The following CEP120 variants were observed in gnomAD, a reference collection of about 807,000 sequenced individuals.
The protein encoded by CEP120 is centrosomal protein 120, also known as centrosomal protein of 120 kDa.
In CEP120, 113 loss-of-function variants were observed where a neutral mutation model predicts 126.5. The ratio of observed to expected loss-of-function variants is 0.89; its 90% CI spans 0.77 to 1.04. The LOEUF (loss-of-function observed/expected upper bound fraction) is 1.04. Ranked by LOEUF, CEP120 falls within the 50% of genes least tolerant of loss-of-function variation. The pLI, the probability that CEP120 is intolerant of heterozygous loss-of-function variation, is 0.00. For synonymous variants in CEP120, 400 were observed against 394.3 expected (o/e 1.01, Z -0.17); for missense variants, 1,230 against 1,155.7 (o/e 1.06, Z -0.93).
chr5:123,414,554 T>C (rs1470518838), intron 3 of CEP120, among the ~76,000 whole-genome samples: 2 of 152,184 alleles, frequency 1.3e-5, no homozygotes, highest in African/African-American at 4.8e-5. Flanking sequence ...GAGAAGATAT[T>C]ATTTTAATTG....
chr5:123,382,884 T>C lies in CEP120; in HGVS notation c.1866A>G (p.Val622=), dbSNP rs1580685242. 6.2e-7 allele frequency: 1 copy of C among 1,613,056 alleles called. No homozygotes were observed. Among genetic ancestry groups the C allele is most frequent in the East Asian group, 2.2e-5 (1 of 44,866 alleles). ...AAGACGGCTTTTGCTGTACGGCAGATACACCCTAAGAGATGAACCAAAAAG... is the reference window on the plus strand; with the variant it reads ...AAGACGGCTTTTGCTGTACGGCAGACACACCCTAAGAGATGAACCAAAAAG... ...EIFISDSSQG[V]SAVQQKPSSL... is the part of the protein sequence containing the mutation. Residue 622 remains valine, a synonymous_variant, in exon 13 of 20, where the codon GTA becomes GTG. Coordinates refer to ENST00000306467, the MANE Select transcript of CEP120 (RefSeq NM_001375405.1).
At chr5:123,392,542 G>T (rs764680775) in intron 6 of CEP120, among the ~76,000 whole-genome samples, 1 of 152,118 alleles carries the variant, frequency 6.6e-6, no homozygotes, top group Non-Finnish European at 1.5e-5. Flanking sequence ...ACAGAGTCTT[G>T]CTCTGCTGCC....
rs757905925 is a variant in CEP120, at chr5:123,382,185, G to C, written c.2029C>G (p.Leu677Val). The change falls in exon 14 of 20, where the codon CTG becomes GTG. Residue 677 changes from leucine (L) to valine (V), a missense_variant. Transcript: ENST00000306467. Reference protein sequence around the residue: ...IFENQLKQKELAHMQALAEEW... With the variant: ...IFENQLKQKEVAHMQALAEEW... The stretch of plus-strand genomic sequence containing the variant: ...TCTGCAAGAGCCTGCATATGAGCCA[G>C]TTCTTTCTGCTTCAGCTACAAAAGG... The C allele has an allele frequency of 1.2e-6, 2 of 1,604,198 alleles. No homozygotes were observed. The highest frequency in any genetic ancestry group is 1.7e-5 in the Admixed American group (1 of 59,008).
chr5:123,369,815 C>G lies in CEP120; in HGVS notation c.2481+2835G>C, dbSNP rs904538585. ...TATGTTTGACATAAACAAAAATGAT[C>G]TCATTCATTTATTTTTTTACTCTCT... On this transcript the variant is annotated intron_variant, in intron 17 of 19. Transcript: ENST00000306467. 5.3e-5 allele frequency among the ~76,000 whole-genome samples: 8 copies of G among 151,920 alleles called. No homozygotes were observed. The South Asian group carries it at 6.2e-4, about 12-fold the overall frequency.
intron 2 of CEP120, among the ~76,000 whole-genome samples, chr5:123,417,377 A>C (rs1468837008): frequency 6.6e-5 from 10 of 152,170 alleles, no homozygotes; most frequent in Non-Finnish European, 1.5e-4. Flanking sequence ...TTCCAGAAGA[A>C]AATATATTTT....
intron 4 of CEP120, among the ~76,000 whole-genome samples, chr5:123,404,612 A>C (rs1203990003): frequency 6.6e-6 from 1 of 152,238 alleles, no homozygotes; most frequent in Non-Finnish European, 1.5e-5. Context: ...GCTGAAGAAA[A>C]GTTATTGTTA....
At chr5:123,401,456 T>C in intron 4 of CEP120, 1 of 1,292,900 alleles carries the variant, frequency 7.7e-7, no homozygotes, top group Non-Finnish European at 1.1e-6. Context: ...GTTATCCCCA[T>C]GCTTCCCAGC....
intron 3 of CEP120, among the ~76,000 whole-genome samples, chr5:123,414,926 C>T (rs1474838770): frequency 7.4e-6 from 1 of 134,412 alleles, no homozygotes; most frequent in African/African-American, 2.8e-5. Context: ...GAGCCGAGAT[C>T]GTGCCACTAC....
chr5:123,350,285 C>A (rs1483354413), intron 18 of CEP120, among the ~76,000 whole-genome samples, 196 bp from the exon 19 acceptor site: 1 of 152,022 alleles, frequency 6.6e-6, no homozygotes, highest in African/African-American at 2.4e-5. Flanking sequence ...AGCAACGAAG[C>A]ACACTACAGC....
At chr5:123,351,938 C>T (rs1342879679) in intron 18 of CEP120, among the ~76,000 whole-genome samples, 1 of 152,028 alleles carries the variant, frequency 6.6e-6, no homozygotes, top group East Asian at 1.9e-4. Flanking sequence ...CTTGAGCATT[C>T]CAATGCTTTA....
At chr5:123,378,980 T>C (rs1771455293) in intron 14 of CEP120, among the ~76,000 whole-genome samples, 1 of 150,832 alleles carries the variant, frequency 6.6e-6, no homozygotes, top group African/African-American at 2.4e-5. Context: ...AGCATGAAAA[T>C]TAGGAAAGAG....
At chr5:123,378,243 G>A (rs79160984) in intron 15 of CEP120, 93 bp downstream of exon 15, 52 of 874,348 alleles carry the variant, frequency 5.9e-5, no homozygotes, top group Middle Eastern at 4.7e-4. Context: ...CTTCTCTCTC[G>A]GGACTCTTTT....
chr5:123,401,055 A>AG, intron 4 of CEP120: 3 of 1,556,848 alleles, frequency 1.9e-6, no homozygotes, highest in Non-Finnish European at 2.6e-6. Flanking sequence ...GGGGCTTGTG[A>AG]GGCCCCCACA....
In CEP120 at chr5:123,350,088, C is replaced by A. The variant is rs1769105436; in HGVS notation, c.2582G>T (p.Arg861Met). 6.2e-7 allele frequency: 1 copy of A among 1,604,998 alleles called. No individual in the cohort carries two copies. The highest frequency in any genetic ancestry group is 1.1e-5 in the South Asian group (1 of 88,886). ...ACGAGCCATTTGACTTTCTTGCTCCCTCTTGAAAGAAACAAAGAAACAAGT... is the reference window on the plus strand; with the variant it reads ...ACGAGCCATTTGACTTTCTTGCTCCATCTTGAAAGAAACAAAGAAACAAGT... ...ALKELARLKQ[R>M]EQESQMARLK... Residue 861 changes from arginine to methionine, a missense_variant and splice_region_variant, in exon 19 of 20, where the codon AGG becomes ATG. Transcript: ENST00000306467.
At chr5:123,392,447 C>T (rs1178537797) in intron 6 of CEP120, among the ~76,000 whole-genome samples, 1 of 152,190 alleles carries the variant, frequency 6.6e-6, no homozygotes, top group Non-Finnish European at 1.5e-5. Context: ...CAACACCACC[C>T]TATTTCAGTT....
chr5:123,385,979 T>C (rs988749048), intron 10 of CEP120, among the ~76,000 whole-genome samples: 5 of 152,184 alleles, frequency 3.3e-5, no homozygotes, highest in African/African-American at 1.2e-4. Flanking sequence ...AATGGTTAGA[T>C]TTAAGTTACC....
At chr5:123,372,612 C>G in intron 17 of CEP120, 38 bp downstream of exon 17, 1 of 1,579,460 alleles carries the variant, frequency 6.3e-7, no homozygotes, top group African/African-American at 1.3e-5. Context: ...AAATTAATCA[C>G]TGGGACTAGT....
chr5:123,393,517 G>T lies in CEP120; in HGVS notation c.613-20C>A. ...AATTAACTAAACATTTCAGGAAAAA[G>T]AAAACAGTTATTACTTTCTAAACTA... is the stretch of plus-strand genomic sequence containing the variant. On this transcript the variant is annotated intron_variant, in intron 5 of 19. Transcript: ENST00000306467. 6.3e-7 allele frequency: 1 copy of T among 1,593,698 alleles called. No individual in the cohort carries two copies. The highest frequency in any genetic ancestry group is 8.6e-7 in the Non-Finnish European group (1 of 1,162,666).
chr5:123,391,548 T>C (rs188038174), intron 6 of CEP120, among the ~76,000 whole-genome samples: 59 of 152,330 alleles, frequency 3.9e-4, no homozygotes, highest in Admixed American at 2.7e-3. Flanking sequence ...AACTCAATAA[T>C]AGCTATTACC....
Sources: allele counts gnomAD v4.1 joint callset (sites outside exome capture counted in the v4.1 genomes callset), GRCh38; gene constraint gnomAD v4.1.1; transcripts MANE v1.5; gene names NCBI Gene and HGNC (gene_info 2026-07-23, HGNC 2026-07-21).